SYCP1: variants seen among roughly 807,000 people sequenced by gnomAD.
SYCP1 encodes the protein cancer/testis antigen 8.
Under a neutral mutation model 153.1 loss-of-function variants are expected in SYCP1, and 64 were observed. The ratio of observed to expected loss-of-function variants is 0.42; its 90% CI spans 0.34 to 0.51. The LOEUF (loss-of-function observed/expected upper bound fraction) is 0.51. SYCP1 is among the 20% of genes least tolerant of loss of function. The pLI, the probability that SYCP1 is intolerant of heterozygous loss-of-function variation, is 0.06. For missense variants in SYCP1, 997 were observed against 1,049.0 expected (o/e 0.95, Z 0.68); for synonymous variants, 384 against 341.8 (o/e 1.12, Z -1.36).
intron 26 of SYCP1, 86 bp downstream of exon 26, chr1:114,946,467 A>G (rs1670716173): frequency 8.1e-6 from 6 of 742,740 alleles, no homozygotes; most frequent in Non-Finnish European, 1.3e-5. Flanking sequence ...AAGTAAAACT[A>G]ATTTTTGAGC....
chr1:114,928,516 A>G (rs2101748971), intron 23 of SYCP1, among the ~76,000 whole-genome samples: 1 of 152,354 alleles, frequency 6.6e-6, no homozygotes, highest in African/African-American at 2.4e-5. Context: ...CTTCAAGTTG[A>G]AGGAAAATGG....
In SYCP1 at chr1:114,995,227, T is replaced by C. The variant is rs1007768874; in HGVS notation, c.*208T>C. On this transcript the variant is annotated 3_prime_UTR_variant, in exon 32 of 32. Coordinates refer to ENST00000369522, the MANE Select transcript of SYCP1 (RefSeq NM_003176.4). ...CATTGTATTCAGATAATTAGATGATTATATATTGTTGTTACTTTTTCTTGT... is the reference window on the plus strand; with the variant it reads ...CATTGTATTCAGATAATTAGATGATCATATATTGTTGTTACTTTTTCTTGT... 2 of 392,404 alleles carry C rather than the reference T, an allele frequency of 5.1e-6. No homozygotes were observed. Among genetic ancestry groups the C allele is most frequent in the Non-Finnish European group, 8.7e-6 (2 of 228,642 alleles). 24.3% of individuals were successfully genotyped at this position (392,404 alleles called of 1,614,324 possible).
chr1:114,884,837 T>C (rs894371855), intron 12 of SYCP1, among the ~76,000 whole-genome samples: 2 of 152,154 alleles, frequency 1.3e-5, no homozygotes, highest in African/African-American at 4.8e-5. Context: ...AATCGTATAA[T>C]TTGAATTCAG....
chr1:114,943,333 A>C (rs988606090), intron 23 of SYCP1, among the ~76,000 whole-genome samples: 8 of 151,922 alleles, frequency 5.3e-5, no homozygotes, highest in African/African-American at 1.9e-4. Context: ...CCAGTCCCAA[A>C]ATGGAGACAA....
At chr1:114,973,980 G>GT (rs535839229) in intron 27 of SYCP1, among the ~76,000 whole-genome samples, 19 of 151,030 alleles carry the variant, frequency 1.3e-4, no homozygotes, top group South Asian at 2.1e-4. Flanking sequence ...CTAATTCATT[G>GT]TTTTTTTTGG....
chr1:114,872,000 C>CT (rs1369246633), intron 8 of SYCP1, among the ~76,000 whole-genome samples: 5 of 136,556 alleles, frequency 3.7e-5, no homozygotes, highest in Admixed American at 7.3e-5. Context: ...TTTTTTCTTT[C>CT]TTTTTCTTTT....
At chr1:114,876,236 C>G in intron 10 of SYCP1, 98 bp downstream of exon 10, 4 of 691,084 alleles carry the variant, frequency 5.8e-6, no homozygotes, top group Non-Finnish European at 8.8e-6. Context: ...GCCTGATGCT[C>G]TGAACTATTT....
intron 8 of SYCP1, among the ~76,000 whole-genome samples, chr1:114,874,084 C>A (rs1402780589): frequency 1.3e-5 from 2 of 152,092 alleles, no homozygotes; most frequent in Non-Finnish European, 2.9e-5. Context: ...AGCAATGTGT[C>A]AATTATAGTT....
intron 15 of SYCP1, 108 bp from the exon 16 acceptor site, chr1:114,895,340 G>T: frequency 7.2e-6 from 4 of 553,736 alleles, no homozygotes; most frequent in Non-Finnish European, 1.2e-5. Context: ...AGTTGCATTT[G>T]TCTCTCCTGA....
intron 8 of SYCP1, among the ~76,000 whole-genome samples, chr1:114,863,264 G>GT (rs1301648413): frequency 7.8e-6 from 1 of 128,316 alleles, no homozygotes; most frequent in Non-Finnish European, 1.7e-5. Context: ...TAGTGTAAAA[G>GT]TGTTCCTAGG....
intron 20 of SYCP1, among the ~76,000 whole-genome samples, chr1:114,916,829 T>C (rs1302860771): frequency 6.6e-6 from 1 of 152,000 alleles, no homozygotes; most frequent in African/African-American, 2.4e-5. Context: ...TTACCATTGC[T>C]TCTTTTAAGG....
chr1:114,987,939 A>G (rs2101973690), intron 30 of SYCP1, among the ~76,000 whole-genome samples: 1 of 151,900 alleles, frequency 6.6e-6, no homozygotes, highest in African/African-American at 2.4e-5. Flanking sequence ...AAAAAGAACC[A>G]GAAAAAAACT....
chr1:114,934,066 C>T (rs569803682), intron 23 of SYCP1, among the ~76,000 whole-genome samples: 1 of 152,096 alleles, frequency 6.6e-6, no homozygotes, highest in Non-Finnish European at 1.5e-5. Context: ...GAGAACACCA[C>T]AAAGATACTC....
At chr1:114,961,740 G>A (rs1671792496) in intron 27 of SYCP1, among the ~76,000 whole-genome samples, 1 of 152,080 alleles carries the variant, frequency 6.6e-6, no homozygotes, top group South Asian at 2.1e-4. Flanking sequence ...AATTCATTGA[G>A]ACCTGTTTTG....
At chr1:114,915,944 T>C (rs1188602194) in intron 20 of SYCP1, among the ~76,000 whole-genome samples, 1 of 152,164 alleles carries the variant, frequency 6.6e-6, no homozygotes, top group African/African-American at 2.4e-5. Flanking sequence ...GGATGGCTAC[T>C]GATTTTACAA....
intron 3 of SYCP1, among the ~76,000 whole-genome samples, chr1:114,856,920 A>AC (rs1214227027): frequency 3.7e-5 from 5 of 134,362 alleles, no homozygotes; most frequent in Non-Finnish European, 7.9e-5. Flanking sequence ...CCCTGTCTGT[A>AC]CAAAAAAAAA....
intron 3 of SYCP1, 65 bp from the exon 4 acceptor site, chr1:114,857,150 AAAAAAAAGAGAAAAAAG>A: frequency 1.1e-6 from 1 of 941,738 alleles, no homozygotes; most frequent in Non-Finnish European, 1.5e-6. Flanking sequence ...AAAAAAAAAA[AAAAAAAAGAGAAAAAAG>A]AAAAAAAAAA....
At chr1:114,957,707 AAC>A (rs1375206968) in intron 27 of SYCP1, among the ~76,000 whole-genome samples, 57 of 152,214 alleles carry the variant, frequency 3.7e-4, no homozygotes, top group African/African-American at 1.4e-3. Flanking sequence ...TCATCAGGGA[AAC>A]ACAAATCAAC....
chr1:114,916,157 A>C (rs1333683330), intron 20 of SYCP1, among the ~76,000 whole-genome samples: 1 of 152,118 alleles, frequency 6.6e-6, no homozygotes, highest in Non-Finnish European at 1.5e-5. Context: ...TCCATTTAAT[A>C]TTATTTTTAG....
Sources: allele counts gnomAD v4.1 joint callset (sites outside exome capture counted in the v4.1 genomes callset), GRCh38; gene constraint gnomAD v4.1.1; transcripts MANE v1.5; gene names NCBI Gene and HGNC (gene_info 2026-07-23, HGNC 2026-07-21).